CPE: variants seen among roughly 807,000 people sequenced by gnomAD.
CPE encodes carboxypeptidase E.
CPE carries 17 observed loss-of-function variants against 53.5 expected under a neutral mutation model. The ratio of observed to expected loss-of-function variants is 0.32; its 90% CI spans 0.22 to 0.48. CPE has a LOEUF of 0.48. Among genes scored for constraint, CPE ranks in the 20% least tolerant of loss-of-function variants. The pLI, the probability that CPE is intolerant of heterozygous loss-of-function variation, is 0.99. For missense variants in CPE, 524 were observed against 614.7 expected (o/e 0.85, Z 1.56); for synonymous variants, 226 against 228.8 (o/e 0.99, Z 0.11).
chr4:165,390,473 T>C (rs146311097), intron 1 of CPE, among the ~76,000 whole-genome samples: 1 of 152,344 alleles, frequency 6.6e-6, no homozygotes, highest in African/African-American at 2.4e-5. Flanking sequence ...CAGAAAACTT[T>C]AGAGGTGTTG....
rs367944971 is a variant in CPE, at chr4:165,399,359, A to G, written c.307+19831A>G. Among the ~76,000 whole-genome samples the G allele has an allele frequency of 1.1e-4, 16 of 152,302 alleles. 2 individuals are homozygous for G. Among genetic ancestry groups the G allele is most frequent in the Admixed American group, 3.3e-4 (5 of 15,294 alleles). ...AATAAATACCTGTTGTACATCTGTG[A>G]AAAGACATACCCTCTTTTTTATTTT... On this transcript the variant is annotated intron_variant, in intron 1 of 8. Transcript: ENST00000402744.
chr4:165,407,441 G>T (rs1289524252), intron 1 of CPE, among the ~76,000 whole-genome samples: 1 of 149,638 alleles, frequency 6.7e-6, no homozygotes, highest in African/African-American at 2.5e-5. Context: ...CGGCTATGTT[G>T]CCCAGGCTGG....
intron 1 of CPE, among the ~76,000 whole-genome samples, chr4:165,450,435 A>G (rs879382380): frequency 2.3e-4 from 35 of 152,188 alleles, no homozygotes; most frequent in Non-Finnish European, 2.4e-4. Flanking sequence ...ATTGAGTGGG[A>G]GGTAAAATTA....
intron 1 of CPE, chr4:165,405,910 G>T: frequency 1.4e-6 from 1 of 731,666 alleles, no homozygotes; most frequent in Non-Finnish European, 2.6e-6. Flanking sequence ...GCATAAAATG[G>T]CAGGATCCAC....
At chr4:165,450,106 ATT>A (rs11341572) in intron 1 of CPE, among the ~76,000 whole-genome samples, 2 of 151,886 alleles carry the variant, frequency 1.3e-5, no homozygotes, top group African/African-American at 4.8e-5. Flanking sequence ...TTATTTCTTC[ATT>A]TTTTTGTTTT....
intron 1 of CPE, among the ~76,000 whole-genome samples, chr4:165,445,351 T>C (rs1052880332): frequency 6.6e-6 from 1 of 152,184 alleles, no homozygotes; most frequent in African/African-American, 2.4e-5. Flanking sequence ...TTTGTTTTAT[T>C]GGTGTTATTT....
At chr4:165,477,295 C>G (rs978114151) in intron 3 of CPE, among the ~76,000 whole-genome samples, 36 of 152,126 alleles carry the variant, frequency 2.4e-4, no homozygotes, top group African/African-American at 8.7e-4. Flanking sequence ...TTAATAAGAG[C>G]TTTTGTTTAA....
At chr4:165,403,645 G>T (rs1730905326) in intron 1 of CPE, among the ~76,000 whole-genome samples, 3 of 150,196 alleles carry the variant, frequency 2.0e-5, no homozygotes, top group Non-Finnish European at 4.4e-5. Flanking sequence ...AAAGCCTCTT[G>T]TAATTCATGT....
intron 3 of CPE, among the ~76,000 whole-genome samples, chr4:165,471,486 A>C (rs1732205692): frequency 6.6e-6 from 1 of 152,232 alleles, no homozygotes; most frequent in Admixed American, 6.5e-5. Context: ...TTGCAAAATA[A>C]GCATTAGTCC....
intron 3 of CPE, among the ~76,000 whole-genome samples, chr4:165,475,679 T>G (rs796928452): frequency 6.6e-5 from 10 of 152,254 alleles, no homozygotes; most frequent in African/African-American, 2.4e-4. Context: ...AATAGCCAAC[T>G]TTAGTTGAAA....
At chr4:165,392,854 T>C (rs1730707089) in intron 1 of CPE, among the ~76,000 whole-genome samples, 1 of 148,184 alleles carries the variant, frequency 6.7e-6, no homozygotes, top group Admixed American at 6.8e-5. Flanking sequence ...GGCACATATA[T>C]AGTCTGTTAT....
intron 1 of CPE, among the ~76,000 whole-genome samples, chr4:165,401,448 G>A (rs543359543): frequency 5.3e-5 from 8 of 152,268 alleles, no homozygotes; most frequent in South Asian, 2.1e-4. Context: ...CAGGTCTGCC[G>A]TTTAATAGCT....
chr4:165,483,298 T>A (rs1310112891), intron 4 of CPE, among the ~76,000 whole-genome samples: 8 of 152,216 alleles, frequency 5.3e-5, no homozygotes, highest in Admixed American at 4.6e-4. Context: ...GCTCCATCCA[T>A]GTCGTTGCAA....
intron 2 of CPE, 119 bp from the exon 3 acceptor site, chr4:165,467,569 C>T (rs1254346461): frequency 9.8e-6 from 9 of 919,442 alleles, no homozygotes; most frequent in Non-Finnish European, 1.4e-5. Context: ...CATGGGAGGG[C>T]ATTGTTGAAG....
At chr4:165,403,865 G>T (rs1327072324) in intron 1 of CPE, among the ~76,000 whole-genome samples, 1 of 152,018 alleles carries the variant, frequency 6.6e-6, no homozygotes, top group African/African-American at 2.4e-5. Context: ...TTCCAATAGC[G>T]CAAACTCTAA....
intron 1 of CPE, among the ~76,000 whole-genome samples, chr4:165,439,022 G>A (rs1400704187): frequency 6.6e-6 from 1 of 152,084 alleles, no homozygotes; most frequent in African/African-American, 2.4e-5. Flanking sequence ...GTTTCCAAAG[G>A]TGTCTGATTT....
intron 1 of CPE, among the ~76,000 whole-genome samples, chr4:165,447,150 T>C (rs1258772126): frequency 6.6e-6 from 1 of 152,218 alleles, no homozygotes; most frequent in Non-Finnish European, 1.5e-5. Context: ...TTACCATGAC[T>C]GTAGGACTGA....
intron 1 of CPE, among the ~76,000 whole-genome samples, chr4:165,407,863 T>C (rs1730977564): frequency 6.6e-6 from 1 of 151,534 alleles, no homozygotes; most frequent in African/African-American, 2.4e-5. Context: ...ACCCAACTTT[T>C]TTTTTTTTTT....
At chr4:165,438,671 T>C (rs1388842650) in intron 1 of CPE, among the ~76,000 whole-genome samples, 1 of 152,146 alleles carries the variant, frequency 6.6e-6, no homozygotes. Context: ...ATTAACATGG[T>C]TTTAAAAAGA....
Sources: allele counts gnomAD v4.1 joint callset (sites outside exome capture counted in the v4.1 genomes callset), GRCh38; gene constraint gnomAD v4.1.1; transcripts MANE v1.5; gene names NCBI Gene and HGNC (gene_info 2026-07-23, HGNC 2026-07-21).